Variants in ZGPAT observed in about 807,000 individuals in gnomAD.
ZGPAT encodes the protein zinc finger CCCH-type with G patch domain-containing protein.
In ZGPAT, 39 loss-of-function variants were observed where a neutral mutation model predicts 47.9. The ratio of observed to expected loss-of-function variants is 0.81; its 90% CI spans 0.63 to 1.06. ZGPAT has a LOEUF of 1.06. Among genes scored for constraint, ZGPAT ranks in the 50% least tolerant of loss-of-function variants. ZGPAT has a pLI of 0.00. For missense variants in ZGPAT, 717 were observed against 681.4 expected, an observed-to-expected ratio of 1.05 and a Z score of -0.58; for synonymous variants, 348 against 292.9, an observed-to-expected ratio of 1.19 and a Z score of -1.92.
chr20:63,709,662 T>G (rs954107831), intron 2 of ZGPAT, among the ~76,000 whole-genome samples: 1 of 151,554 alleles, frequency 6.6e-6, no homozygotes, highest in African/African-American at 2.4e-5. Flanking sequence ...CAGCCTATCG[T>G]CAGTTTTTTT....
chr20:63,732,515 G>C (rs544883370), intron 2 of ZGPAT, among the ~76,000 whole-genome samples: 1 of 151,786 alleles, frequency 6.6e-6, no homozygotes, highest in Middle Eastern at 3.2e-3. Flanking sequence ...ACGTGTGCGC[G>C]CGTGTGGGTG....
chr20:63,715,036 A>T (rs548754486), intron 2 of ZGPAT, among the ~76,000 whole-genome samples: 1 of 152,000 alleles, frequency 6.6e-6, no homozygotes, highest in Admixed American at 6.6e-5. Context: ...TGATTTTCGT[A>T]TGTTGAACCA....
intron 2 of ZGPAT, 32 bp downstream of exon 2, chr20:63,709,196 A>T (rs200756379): frequency 2.0e-5 from 32 of 1,598,830 alleles, no homozygotes; most frequent in Middle Eastern, 1.7e-4. Flanking sequence ...TGCCAACCTT[A>T]GGGGCGTAAG....
At chr20:63,731,296 CTGTG>C (rs34963409) in intron 2 of ZGPAT, among the ~76,000 whole-genome samples, 1,816 of 151,352 alleles carry the variant, frequency 0.012, 23 homozygotes, top group Admixed American at 0.03. Context: ...GTGTGTGAGA[CTGTG>C]TGTGTGTGTG....
intron 2 of ZGPAT, among the ~76,000 whole-genome samples, chr20:63,730,966 CTCTCTGTGTGTGTG>C (rs1464243067): frequency 5.0e-4 from 48 of 95,152 alleles, no homozygotes; most frequent in African/African-American, 2.5e-3. Flanking sequence ...CTCTCTCTCT[CTCTCTGTGTGTGTG>C]TGTGTGTGTG....
intron 2 of ZGPAT, among the ~76,000 whole-genome samples, chr20:63,727,599 A>C (rs2091858003): frequency 7.4e-6 from 1 of 135,038 alleles, no homozygotes; most frequent in African/African-American, 2.8e-5. Context: ...TGAACTTGGG[A>C]GGTGGAGGTG....
At chr20:63,711,641 C>A (rs185919883) in intron 2 of ZGPAT, among the ~76,000 whole-genome samples, 1 of 151,652 alleles carries the variant, frequency 6.6e-6, no homozygotes, top group African/African-American at 2.4e-5. Context: ...TGTTGTTGCC[C>A]AGGCTAGAGT....
intron 2 of ZGPAT, among the ~76,000 whole-genome samples, chr20:63,725,310 A>G (rs1299840909): frequency 6.6e-6 from 1 of 152,234 alleles, no homozygotes; most frequent in Non-Finnish European, 1.5e-5. Context: ...CAGGCTTGCT[A>G]GCAACCAATT....
chr20:63,733,167 T>C, intron 2 of ZGPAT, 52 bp from the exon 3 acceptor site: 1 of 1,592,730 alleles, frequency 6.3e-7, no homozygotes, highest in Non-Finnish European at 8.6e-7. Context: ...CTGGGTTGGT[T>C]TGCCCCTGGT....
chr20:63,717,855 C>T (rs1398062462), intron 2 of ZGPAT, among the ~76,000 whole-genome samples: 3 of 152,046 alleles, frequency 2.0e-5, no homozygotes, highest in East Asian at 1.9e-4. Context: ...CCAGCCTGGC[C>T]GACAGGGAGA....
chr20:63,735,491 A>G lies in ZGPAT; in HGVS notation c.1324A>G (p.Thr442Ala). 6.5e-7 allele frequency: 1 copy of G among 1,541,352 alleles called. No individual in the cohort carries two copies. The highest frequency in any genetic ancestry group is 8.7e-7 in the Non-Finnish European group (1 of 1,149,326). The stretch of plus-strand genomic sequence containing the variant: ...GGCCCTGAGCCTGCGGCTCTTCCAG[A>G]CTGAGGAGAAGATCGAGCGAACCCA... Reference protein sequence around the residue: ...KRALSLRLFQTEEKIERTQRD... With the variant: ...KRALSLRLFQAEEKIERTQRD... Residue 442 changes from threonine (T) to alanine (A), a missense_variant, in exon 6 of 7, where the codon ACT (threonine) becomes GCT (alanine). By Grantham distance (58) the Thr-to-Ala change is moderately conservative (BLOSUM62 0). Coordinates refer to ENST00000355969, the MANE Select transcript of ZGPAT (RefSeq NM_181485.3).
rs1479152344 is a variant in ZGPAT at position 63,735,361 on chromosome 20, C to T, written c.1194C>T (p.Leu398=). The T allele has an allele frequency of 6.5e-7, 1 of 1,545,240 alleles. No homozygotes were observed. The change falls in exon 6 of 7, where the codon CTC becomes CTT. Residue 398 remains leucine, a synonymous_variant. Coordinates refer to ENST00000355969, the MANE Select transcript of ZGPAT (RefSeq NM_181485.3). Reference sequence around the variant, plus strand: ...CTCCTCGGAATGTGTTTGACTTCCTCAATGAAAAGCTGCAAGGTCAGGCTC... The same window carrying T: ...CTCCTCGGAATGTGTTTGACTTCCTTAATGAAAAGCTGCAAGGTCAGGCTC... ...RPAPRNVFDF[L]NEKLQGQAPG...
At chr20:63,723,369 C>T (rs2091809656) in intron 2 of ZGPAT, among the ~76,000 whole-genome samples, 1 of 124,114 alleles carries the variant, frequency 8.1e-6, no homozygotes, top group Non-Finnish European at 1.7e-5. Flanking sequence ...TATGACACAG[C>T]TCCATCCTCC....
chr20:63,734,954 C>T (rs888514996), intron 5 of ZGPAT, 130 bp downstream of exon 5: 29 of 1,362,802 alleles, frequency 2.1e-5, no homozygotes, highest in Admixed American at 5.8e-5. Context: ...CTGCCATCCC[C>T]GTGCTCCTCA....
At chr20:63,725,975 A>T (rs2091841795) in intron 2 of ZGPAT, among the ~76,000 whole-genome samples, 1 of 151,122 alleles carries the variant, frequency 6.6e-6, no homozygotes, top group Non-Finnish European at 1.5e-5. Context: ...AGTTGGGACT[A>T]CCGGAGTGTG....
At chr20:63,713,641 C>T (rs934704067) in intron 2 of ZGPAT, among the ~76,000 whole-genome samples, 2 of 150,578 alleles carry the variant, frequency 1.3e-5, no homozygotes, top group Admixed American at 6.6e-5. Context: ...GAGGCCAAGG[C>T]GGGTGGATCA....
At chr20:63,734,899 G>GGGGTCCCGCAGCCATCGGGTTCCCA (rs370403559) in intron 5 of ZGPAT, 75 bp downstream of exon 5, 6 of 1,487,116 alleles carry the variant, frequency 4.0e-6, no homozygotes, top group African/African-American at 1.4e-5. Flanking sequence ...TCAGGTTCCC[G>GGGGTCCCGCAGCCATCGGGTTCCCA]GGGTCCCGCA....
At chr20:63,720,782 G>A (rs1195549794) in intron 2 of ZGPAT, among the ~76,000 whole-genome samples, 6 of 152,178 alleles carry the variant, frequency 3.9e-5, no homozygotes, top group African/African-American at 1.2e-4. Flanking sequence ...CGGTGAATGG[G>A]CCACACTTTC....
rs1426148487 is a variant in ZGPAT, at chr20:63,730,960, CTCTCTCTCTCTGTGTG to C, written c.585-2257_585-2242del. On this transcript the variant is annotated intron_variant, in intron 2 of 6. Coordinates refer to ENST00000355969, the MANE Select transcript of ZGPAT (RefSeq NM_181485.3). ...TCTCTCTCTCTCTCTCTCTCTCTCTCTCTCTCTCTCTGTGTGTGTGTGTGTGTGTGTCTCGGTTTTG... is the reference window on the plus strand; with the variant it reads ...TCTCTCTCTCTCTCTCTCTCTCTCTCTGTGTGTGTGTGTGTCTCGGTTTTG... Among the ~76,000 whole-genome samples, 819 of 82,886 alleles carry C rather than the reference CTCTCTCTCTCTGTGTG, an allele frequency of 9.9e-3. 16 individuals are homozygous for C. Among genetic ancestry groups the C allele is most frequent in the African/African-American group, 0.043 (755 of 17,730 alleles). 54.4% of individuals were successfully genotyped at this position (82,886 alleles called of 152,430 possible).
Sources: allele counts gnomAD v4.1 joint callset (sites outside exome capture counted in the v4.1 genomes callset), GRCh38; gene constraint gnomAD v4.1.1; transcripts MANE v1.5; gene names NCBI Gene and HGNC (gene_info 2026-07-23, HGNC 2026-07-21).